LYPD6B: variants seen among roughly 807,000 people sequenced by gnomAD.
LYPD6B encodes ly6/PLAUR domain-containing protein 6B.
LYPD6B carries 17 observed loss-of-function variants against 22.8 expected under a neutral mutation model. The ratio of observed to expected loss-of-function variants is 0.75; its 90% CI spans 0.51 to 1.12. LYPD6B has a LOEUF of 1.12. Ranked by LOEUF, LYPD6B falls within the 50% of genes most tolerant of loss-of-function variation. The pLI is 0.00. For synonymous variants in LYPD6B, 106 were observed against 91.6 expected (o/e 1.16, Z -0.90); for missense variants, 221 against 258.3 (o/e 0.86, Z 0.99).
chr2:149,086,735 G>C (rs887903211), intron 1 of LYPD6B, among the ~76,000 whole-genome samples: 16 of 152,136 alleles, frequency 1.1e-4, no homozygotes, highest in Non-Finnish European at 2.2e-4. Context: ...ACAATTCTGA[G>C]GCTGGGAGTC....
intron 1 of LYPD6B, among the ~76,000 whole-genome samples, chr2:149,080,853 AAAAAAAAAAAAAAAC>A (rs1278005109): frequency 7.5e-6 from 1 of 132,550 alleles, no homozygotes; most frequent in African/African-American, 2.8e-5. Context: ...AAAAAAAAAA[AAAAAAAAAAAAAAAC>A]CACACAAAAA....
rs1417743506 is a variant in LYPD6B at position 149,214,583 on chromosome 2, T to C, written c.497T>C (p.Val166Ala). 2 of 1,613,976 alleles carry C rather than the reference T, an allele frequency of 1.2e-6. No individual in the cohort carries two copies. Among genetic ancestry groups the C allele is most frequent in the South Asian group, 2.2e-5 (2 of 91,074 alleles). Residue 166 changes from valine to alanine, a missense_variant, in exon 7 of 7, where the codon GTA becomes GCA. By Grantham distance (64) the Val-to-Ala change is moderately conservative. Coordinates refer to ENST00000409642, the MANE Select transcript of LYPD6B (RefSeq NM_177964.5). Reference protein sequence around the residue: ...RSCCEGMICNVELPTNHTNAV... With the variant: ...RSCCEGMICNAELPTNHTNAV... ...TGCTGTGAAGGAATGATCTGCAATG[T>C]AGAATTACCCACCAATCACACTAAT...
At chr2:149,128,500 A>G (rs1687836171) in intron 1 of LYPD6B, among the ~76,000 whole-genome samples, 1 of 152,218 alleles carries the variant, frequency 6.6e-6, no homozygotes, top group Non-Finnish European at 1.5e-5. Flanking sequence ...TAGATGAGAG[A>G]GTCTCACAAG....
chr2:149,145,161 G>T (rs1452606702), intron 2 of LYPD6B, among the ~76,000 whole-genome samples: 1 of 152,134 alleles, frequency 6.6e-6, no homozygotes, highest in Non-Finnish European at 1.5e-5. Flanking sequence ...TACCACTGAT[G>T]GTGGGTTCTG....
intron 1 of LYPD6B, among the ~76,000 whole-genome samples, chr2:149,089,147 A>AT (rs1377648981): frequency 6.6e-6 from 1 of 152,192 alleles, no homozygotes; most frequent in Non-Finnish European, 1.5e-5. Flanking sequence ...TGTGAATGTT[A>AT]TTTTTCAATA....
chr2:149,189,369 C>CATAT (rs59507620), intron 3 of LYPD6B, among the ~76,000 whole-genome samples: 1 of 91,666 alleles, frequency 1.1e-5, no homozygotes, highest in Non-Finnish European at 2.1e-5. Flanking sequence ...TATATATATA[C>CATAT]ACACACATAT....
chr2:149,050,819 T>C (rs1298039006), intron 1 of LYPD6B, among the ~76,000 whole-genome samples: 1 of 152,218 alleles, frequency 6.6e-6, no homozygotes, highest in Non-Finnish European at 1.5e-5. Context: ...GTTGTAGTGA[T>C]AATTTTATTT....
chr2:149,209,278 G>A (rs1575184942), intron 5 of LYPD6B, among the ~76,000 whole-genome samples: 1 of 152,264 alleles, frequency 6.6e-6, no homozygotes, highest in East Asian at 1.9e-4. Context: ...TTGGGGACAA[G>A]AGTAGGAGGG....
chr2:149,043,684 G>T (rs13402115), intron 1 of LYPD6B, among the ~76,000 whole-genome samples: 2,789 of 152,080 alleles, frequency 0.018, 87 homozygotes, highest in African/African-American at 0.065. Context: ...AACTTTTATT[G>T]TTGTATTGAG....
chr2:149,140,326 A>G (rs1688613286), intron 2 of LYPD6B, among the ~76,000 whole-genome samples: 1 of 152,186 alleles, frequency 6.6e-6, no homozygotes, highest in Non-Finnish European at 1.5e-5. Flanking sequence ...GCTCCCTTAA[A>G]GAACCAAAGT....
At chr2:149,196,402 T>C (rs930040944) in intron 3 of LYPD6B, among the ~76,000 whole-genome samples, 1 of 152,254 alleles carries the variant, frequency 6.6e-6, no homozygotes, top group Non-Finnish European at 1.5e-5. Flanking sequence ...AAATGATAGA[T>C]ATCTACAAAC....
intron 3 of LYPD6B, among the ~76,000 whole-genome samples, chr2:149,181,874 C>T (rs756443): frequency 0.31 from 46,838 of 152,072 alleles, 9,036 homozygotes; most frequent in East Asian, 0.55. Context: ...AGTTCACCCT[C>T]CAAATTCTTC....
At chr2:149,120,444 G>T (rs1313542868) in intron 1 of LYPD6B, among the ~76,000 whole-genome samples, 1 of 133,092 alleles carries the variant, frequency 7.5e-6, no homozygotes, top group Non-Finnish European at 1.5e-5. Flanking sequence ...GTGCAGTGGC[G>T]CGATCTCGGC....
chr2:149,091,798 G>A (rs1685664799), intron 1 of LYPD6B, among the ~76,000 whole-genome samples: 1 of 152,144 alleles, frequency 6.6e-6, no homozygotes, highest in Admixed American at 6.6e-5. Context: ...ATAAAATGTA[G>A]AGAAGTTACA....
At chr2:149,107,338 C>T (rs539753647) in intron 1 of LYPD6B, among the ~76,000 whole-genome samples, 2 of 152,280 alleles carry the variant, frequency 1.3e-5, no homozygotes, top group African/African-American at 2.4e-5. Context: ...GAAGCTGGAC[C>T]GTGTGATATT....
intron 1 of LYPD6B, among the ~76,000 whole-genome samples, chr2:149,060,989 TG>T (rs1464985304): frequency 3.9e-5 from 6 of 152,146 alleles, no homozygotes; most frequent in Non-Finnish European, 8.8e-5. Context: ...ACTTAACCTT[TG>T]GGCCTAGCAA....
intron 1 of LYPD6B, among the ~76,000 whole-genome samples, chr2:149,088,295 AT>A (rs1685494141): frequency 6.6e-6 from 1 of 152,118 alleles, no homozygotes; most frequent in Non-Finnish European, 1.5e-5. Context: ...TGTTTTCTTA[AT>A]TGCTTGTGAT....
intron 5 of LYPD6B, among the ~76,000 whole-genome samples, chr2:149,209,920 CA>C (rs56688021): frequency 0.2 from 30,090 of 152,044 alleles, 3,076 homozygotes; most frequent in East Asian, 0.36. Context: ...ACATTTTCAA[CA>C]GAAATTTATC....
At chr2:149,163,731 CT>C (rs994952535) in intron 3 of LYPD6B, among the ~76,000 whole-genome samples, 12 of 152,196 alleles carry the variant, frequency 7.9e-5, no homozygotes, top group Middle Eastern at 3.4e-3. Context: ...GTGAAGTAAC[CT>C]TTTGCTTAGG....
Sources: allele counts gnomAD v4.1 joint callset (sites outside exome capture counted in the v4.1 genomes callset), GRCh38; gene constraint gnomAD v4.1.1; transcripts MANE v1.5; gene names NCBI Gene and HGNC (gene_info 2026-07-23, HGNC 2026-07-21).